The following MPP7 variants were observed in gnomAD, a reference collection of about 807,000 sequenced individuals.
The protein encoded by MPP7 is MAGUK p55 scaffold protein 7.
A neutral mutation model predicts 76.5 loss-of-function variants in MPP7; 60 were observed. That is an observed-to-expected ratio of 0.78 (90% CI 0.64 to 0.97). MPP7 has a LOEUF of 0.97. Among genes scored for constraint, MPP7 ranks in the 50% least tolerant of loss-of-function variants. The pLI is 0.00. For synonymous variants in MPP7, 237 were observed against 244.5 expected, an observed-to-expected ratio of 0.97 and a Z score of 0.29; for missense variants, 641 against 694.0, an observed-to-expected ratio of 0.92 and a Z score of 0.86.
chr10:28,266,760 C>T (rs1012843571), intron 1 of MPP7, among the ~76,000 whole-genome samples: 32 of 152,316 alleles, frequency 2.1e-4, no homozygotes, highest in East Asian at 5.8e-4. Context: ...CCCCAATCAG[C>T]ATTGTCCCCA....
At chr10:28,110,979 C>T (rs913790485) in intron 11 of MPP7, among the ~76,000 whole-genome samples, 4 of 152,086 alleles carry the variant, frequency 2.6e-5, no homozygotes, top group Admixed American at 6.5e-5. Context: ...GGTATTGTAA[C>T]GTCAAGATGG....
chr10:28,119,252 T>A (rs1834752934), intron 11 of MPP7, among the ~76,000 whole-genome samples: 2 of 152,156 alleles, frequency 1.3e-5, no homozygotes, highest in South Asian at 4.1e-4. Flanking sequence ...TGAGCACAAT[T>A]GCTTTTGTAC....
chr10:28,125,371 C>A (rs73606071), intron 6 of MPP7, among the ~76,000 whole-genome samples: 3 of 152,026 alleles, frequency 2.0e-5, no homozygotes, highest in African/African-American at 7.2e-5. Flanking sequence ...AATAAACATA[C>A]CTTCTTTCCA....
At chr10:28,324,347 T>A (rs754409801) in intron 2 of MPP7, among the ~76,000 whole-genome samples, 10 of 152,172 alleles carry the variant, frequency 6.6e-5, no homozygotes, top group Non-Finnish European at 1.3e-4. Flanking sequence ...AAGAAAGAAA[T>A]TTCTGTAATC....
intron 12 of MPP7, among the ~76,000 whole-genome samples, chr10:28,088,994 G>C (rs1411742517): frequency 6.6e-6 from 1 of 152,188 alleles, no homozygotes; most frequent in Non-Finnish European, 1.5e-5. Context: ...TTCTGCCTCA[G>C]CCTCCTGAGT....
intron 2 of MPP7, among the ~76,000 whole-genome samples, chr10:28,329,217 T>C (rs1016848862): frequency 6.6e-6 from 1 of 152,248 alleles, no homozygotes; most frequent in Non-Finnish European, 1.5e-5. Context: ...TCTAGAATAT[T>C]ACCTTATTAA....
intron 3 of MPP7, among the ~76,000 whole-genome samples, chr10:28,167,413 T>A (rs2133851915): frequency 6.6e-6 from 1 of 152,196 alleles, no homozygotes; most frequent in Admixed American, 6.5e-5. Context: ...AAGTGGGAAC[T>A]AACCACTGGG....
intron 11 of MPP7, among the ~76,000 whole-genome samples, chr10:28,102,299 C>A (rs889778664): frequency 1.3e-5 from 2 of 152,246 alleles, no homozygotes; most frequent in East Asian, 3.9e-4. Context: ...TGCACCACTG[C>A]GCTTGGATTA....
At chr10:28,244,497 C>T (rs1839369198) in intron 1 of MPP7, among the ~76,000 whole-genome samples, 1 of 151,920 alleles carries the variant, frequency 6.6e-6, no homozygotes, top group Non-Finnish European at 1.5e-5. Flanking sequence ...AACAAAAATT[C>T]CTAGTTTTCA....
chr10:28,261,330 A>G (rs910366811), intron 1 of MPP7, among the ~76,000 whole-genome samples: 1 of 152,128 alleles, frequency 6.6e-6, no homozygotes, highest in African/African-American at 2.4e-5. Flanking sequence ...TCACAAACAT[A>G]CTTCCCACCA....
At chr10:28,095,377 A>G (rs1853520888) in intron 11 of MPP7, among the ~76,000 whole-genome samples, 1 of 151,944 alleles carries the variant, frequency 6.6e-6, no homozygotes, top group Non-Finnish European at 1.5e-5. Context: ...ATTTGTGATG[A>G]TTTTTCAGCC....
intron 1 of MPP7, among the ~76,000 whole-genome samples, chr10:28,285,636 T>A (rs543274653): frequency 2.6e-5 from 4 of 152,206 alleles, no homozygotes; most frequent in African/African-American, 7.2e-5. Flanking sequence ...GCAATGGTTA[T>A]CAATGGTCAT....
intron 3 of MPP7, among the ~76,000 whole-genome samples, chr10:28,200,949 G>C (rs569038490): frequency 2.0e-5 from 3 of 152,144 alleles, no homozygotes; most frequent in Non-Finnish European, 4.4e-5. Context: ...TAAACCCATA[G>C]CTATCCAACT....
intron 3 of MPP7, among the ~76,000 whole-genome samples, chr10:28,177,028 T>TAA (rs572710425): frequency 3.7e-5 from 5 of 136,858 alleles, no homozygotes; most frequent in African/African-American, 1.3e-4. Context: ...AAGTATAATT[T>TAA]AAAAAAAAAA....
In MPP7 at chr10:28,138,904, A is replaced by T. The variant is rs574065256; in HGVS notation, c.316-7213T>A. ...TGAATTCCGTTTACTGGGAATCCCA[A>T]TGTTGCAATCACAGTGCTATGTGCT... is the stretch of plus-strand genomic sequence containing the variant. On this transcript the variant is annotated intron_variant, in intron 5 of 16. Transcript: ENST00000683449. 1.3e-4 allele frequency among the ~76,000 whole-genome samples: 20 copies of T among 152,328 alleles called. No homozygotes were observed. The South Asian group carries it at 2.9e-3, about 22-fold the overall frequency.
chr10:28,148,686 T>C (rs892836092), intron 4 of MPP7, among the ~76,000 whole-genome samples: 2 of 152,212 alleles, frequency 1.3e-5, no homozygotes, highest in Non-Finnish European at 2.9e-5. Context: ...TTGCACACTT[T>C]AGTCACTTAA....
intron 1 of MPP7, among the ~76,000 whole-genome samples, chr10:28,275,117 C>T (rs1840451838): frequency 6.6e-6 from 1 of 152,182 alleles, no homozygotes; most frequent in Non-Finnish European, 1.5e-5. Context: ...CTGCAATTAT[C>T]ACCTTTAAGC....
rs182068005 is a variant in MPP7, at chr10:28,321,368, A to G, written c.-132+8561T>C. Among the ~76,000 whole-genome samples the G allele has an allele frequency of 1.9e-3, 293 of 152,302 alleles. 1 individual carries two copies. Among genetic ancestry groups the G allele is most frequent in the African/African-American group, 6.8e-3 (282 of 41,566 alleles). The stretch of plus-strand genomic sequence containing the variant: ...CACCCAATACACATCTTCCTGGATT[A>G]TTTTATGCAGTCCTCACAGTTGACA... On this transcript the variant is annotated intron_variant, in intron 2 of 11. Coordinates refer to the MPP7 transcript ENST00000441595.
At chr10:28,272,916 T>C (rs1840371986) in intron 1 of MPP7, among the ~76,000 whole-genome samples, 1 of 152,138 alleles carries the variant, frequency 6.6e-6, no homozygotes, top group Admixed American at 6.6e-5. Context: ...TTTGTTTTTT[T>C]TGTTTGTTTG....
Sources: gnomAD v4.1 joint callset for allele counts (sites outside exome capture counted in the v4.1 genomes callset) on GRCh38, gnomAD v4.1.1 for gene constraint, MANE v1.5 for transcripts, NCBI Gene and HGNC (gene_info 2026-07-23, HGNC 2026-07-21) for gene names.